Variants in TTC27 observed in about 807,000 individuals in gnomAD.
The protein encoded by TTC27 is tetratricopeptide repeat domain 27.
TTC27 carries 79 observed loss-of-function variants against 115.9 expected under a neutral mutation model. The ratio of observed to expected loss-of-function variants is 0.68; its 90% CI spans 0.57 to 0.82. TTC27 has a LOEUF of 0.82. Ranked by LOEUF, TTC27 falls within the 40% of genes least tolerant of loss-of-function variation. The pLI, the probability that TTC27 is intolerant of heterozygous loss-of-function variation, is 0.00. For missense variants in TTC27, 1,054 were observed against 993.1 expected, an observed-to-expected ratio of 1.06 and a Z score of -0.82; for synonymous variants, 401 against 356.0, an observed-to-expected ratio of 1.13 and a Z score of -1.42.
chr2:32,637,196 T>C (rs558623149), intron 3 of TTC27, among the ~76,000 whole-genome samples: 1 of 152,232 alleles, frequency 6.6e-6, no homozygotes, highest in Non-Finnish European at 1.5e-5. Flanking sequence ...TAATTTTTAT[T>C]TGTTGCTATG....
At chr2:32,750,434 C>T (rs1465166272) in intron 12 of TTC27, among the ~76,000 whole-genome samples, 2 of 152,302 alleles carry the variant, frequency 1.3e-5, no homozygotes, top group Admixed American at 6.5e-5. Context: ...CCTTTGAAAT[C>T]CTTGATAGGT....
intron 9 of TTC27, among the ~76,000 whole-genome samples, chr2:32,696,883 A>T (rs1017856534): frequency 3.3e-5 from 5 of 152,160 alleles, no homozygotes; most frequent in Non-Finnish European, 7.4e-5. Context: ...TCCTTGATGT[A>T]TTTTGTTTTC....
At chr2:32,801,987 T>G (rs559665974) in intron 16 of TTC27, among the ~76,000 whole-genome samples, 2 of 152,306 alleles carry the variant, frequency 1.3e-5, no homozygotes, top group South Asian at 4.1e-4. Flanking sequence ...GAAGTTTCTG[T>G]TATTAGTCTT....
intron 9 of TTC27, among the ~76,000 whole-genome samples, chr2:32,685,020 T>TC (rs1436952242): frequency 7.5e-5 from 11 of 146,722 alleles, no homozygotes; most frequent in Non-Finnish European, 1.6e-4. Context: ...TTTTCCTTTT[T>TC]TTTTTTTTTT....
intron 10 of TTC27, among the ~76,000 whole-genome samples, chr2:32,715,858 T>C (rs536187269): frequency 7.2e-5 from 11 of 151,922 alleles, no homozygotes; most frequent in Non-Finnish European, 1.5e-4. Flanking sequence ...AAGAGGTCCT[T>C]TATGTTTGTT....
chr2:32,798,737 TAA>T (rs1211458276), intron 16 of TTC27, among the ~76,000 whole-genome samples: 1 of 149,662 alleles, frequency 6.7e-6, no homozygotes, highest in Non-Finnish European at 1.5e-5. Context: ...ATAATAATAA[TAA>T]GTGTTGACAA....
At chr2:32,819,698 C>A (rs182497059) in intron 19 of TTC27, among the ~76,000 whole-genome samples, 7 of 152,274 alleles carry the variant, frequency 4.6e-5, no homozygotes, top group Non-Finnish European at 1.0e-4. Context: ...GAGTGACTCC[C>A]CTGCCCATTT....
At position 32,685,015 on chromosome 2, in the gene TTC27, C is replaced by CTT. The variant is rs70938361; in HGVS notation, c.1119+6114_1119+6115dup. Among the ~76,000 whole-genome samples the CTT allele has an allele frequency of 3.8e-3, 441 of 116,284 alleles. 5 individuals carry two copies. Among genetic ancestry groups the CTT allele is most frequent in the Middle Eastern group, 4.8e-3 (1 of 210 alleles). The allele number at this position is 116,284 out of a possible 152,430, so 76.3% of individuals were successfully genotyped here. A position where few individuals can be genotyped will look rare whatever the true frequency, so the allele number is the denominator to read the frequency against. On this transcript the variant is annotated intron_variant, in intron 9 of 19. Transcript: ENST00000317907. ...ACTAATTGCTCTGCTTTGCCTTTTC[C>CTT]TTTTTTTTTTTTTTTTTTTTTTAAT...
chr2:32,677,265 A>G (rs1057225624), intron 8 of TTC27, among the ~76,000 whole-genome samples: 1 of 152,108 alleles, frequency 6.6e-6, no homozygotes, highest in Admixed American at 6.6e-5. Context: ...AATATACAAC[A>G]ATTTGTCGTT....
chr2:32,708,281 T>C (rs1667445765), intron 10 of TTC27, among the ~76,000 whole-genome samples: 1 of 148,420 alleles, frequency 6.7e-6, no homozygotes, highest in Non-Finnish European at 1.5e-5. Context: ...TTTTTCTTAA[T>C]AGCGTTTTCT....
rs1371130923 is a variant in TTC27, at chr2:32,758,296, A to C, written c.1457A>C (p.Glu486Ala). ...YERAGQHGKA[E>A]EILRQELEKK... ...CATTATTTCTGTTGTTTCTAGGCAG[A>C]AGAAATCCTTAGACAAGAGCTGGAG... The change falls in exon 13 of 20, where the codon GAA becomes GCA. Residue 486 changes from glutamate (E) to alanine (A), a missense_variant. Glu to Ala is a moderately radical substitution (Grantham distance 107). Coordinates refer to ENST00000317907, the MANE Select transcript of TTC27 (RefSeq NM_017735.5). The C allele has an allele frequency of 6.2e-7, 1 of 1,613,968 alleles. No homozygotes were observed. Among genetic ancestry groups the C allele is most frequent in the Non-Finnish European group, 8.5e-7 (1 of 1,180,002 alleles).
chr2:32,647,981 A>G (rs757940344), intron 4 of TTC27, among the ~76,000 whole-genome samples: 1 of 152,234 alleles, frequency 6.6e-6, no homozygotes, highest in African/African-American at 2.4e-5. Context: ...TATCAAAATT[A>G]CTTATCATAA....
intron 3 of TTC27, among the ~76,000 whole-genome samples, 156 bp from the exon 4 acceptor site, chr2:32,640,114 A>G (rs1198995073): frequency 6.6e-6 from 1 of 152,242 alleles, no homozygotes; most frequent in East Asian, 1.9e-4. Flanking sequence ...GGGCATTTGC[A>G]GTGTTATAAT....
At position 32,732,874 on chromosome 2, in the gene TTC27, A is replaced by G. The variant is rs569394704; in HGVS notation, c.1234-954A>G. ...AAAACTAGTCAACTGGCAAAAAAAG[A>G]AAATTTGAGTACTGCATTGTAGAAA... is the stretch of plus-strand genomic sequence containing the variant. On this transcript the variant is annotated intron_variant, in intron 10 of 19. Coordinates refer to ENST00000317907, the MANE Select transcript of TTC27 (RefSeq NM_017735.5). Among the ~76,000 whole-genome samples, 3 of 152,358 alleles carry G rather than the reference A, an allele frequency of 2.0e-5. No individual in the cohort carries two copies. In the South Asian group the frequency reaches 6.2e-4, roughly 32 times the overall value.
At chr2:32,726,649 CAAA>C (rs1402702044) in intron 10 of TTC27, among the ~76,000 whole-genome samples, 1 of 152,208 alleles carries the variant, frequency 6.6e-6, no homozygotes, top group Non-Finnish European at 1.5e-5. Flanking sequence ...CTAAGCCCTC[CAAA>C]CTGTTCCAAC....
chr2:32,710,273 G>A (rs1667530114), intron 10 of TTC27, among the ~76,000 whole-genome samples: 1 of 152,098 alleles, frequency 6.6e-6, no homozygotes, highest in Admixed American at 6.6e-5. Context: ...ATCACTTATT[G>A]ATGAAGGACA....
At chr2:32,709,358 G>A (rs906063482) in intron 10 of TTC27, among the ~76,000 whole-genome samples, 23 of 152,130 alleles carry the variant, frequency 1.5e-4, no homozygotes, top group African/African-American at 5.3e-4. Flanking sequence ...AATATCACTG[G>A]TGATAAAACT....
At chr2:32,645,826 C>T (rs1414792096) in intron 4 of TTC27, among the ~76,000 whole-genome samples, 2 of 151,698 alleles carry the variant, frequency 1.3e-5, no homozygotes, top group East Asian at 1.9e-4. Flanking sequence ...AAGTGATTCT[C>T]CTGCCTCAGC....
intron 5 of TTC27, among the ~76,000 whole-genome samples, chr2:32,663,509 C>T (rs944964969): frequency 6.6e-6 from 1 of 150,890 alleles, no homozygotes; most frequent in East Asian, 1.9e-4. Context: ...ACTGTCTAAC[C>T]AGTCCCAGTG....
Sources: allele counts gnomAD v4.1 joint callset (sites outside exome capture counted in the v4.1 genomes callset), GRCh38; gene constraint gnomAD v4.1.1; transcripts MANE v1.5; gene names NCBI Gene and HGNC (gene_info 2026-07-23, HGNC 2026-07-21).